NKAIN3: variants seen among roughly 807,000 people sequenced by gnomAD.
The protein encoded by NKAIN3 is sodium/potassium transporting ATPase interacting 3, also known as sodium/potassium-transporting ATPase subunit beta-1-interacting protein 3.
A neutral mutation model predicts 30.2 loss-of-function variants in NKAIN3; 25 were observed. The ratio of observed to expected loss-of-function variants is 0.83; its 90% CI spans 0.60 to 1.16. NKAIN3 has a LOEUF of 1.16. NKAIN3 is among the 50% of genes most tolerant of loss of function. The probability of loss-of-function intolerance (pLI) is 0.00; values close to 1 mark genes in which losing one functional copy is unlikely to be tolerated. For missense variants in NKAIN3, 225 were observed against 254.1 expected, an observed-to-expected ratio of 0.89 and a Z score of 0.78; for synonymous variants, 91 against 89.6, an observed-to-expected ratio of 1.02 and a Z score of -0.09.
chr8:62,997,711 C>T (rs61594679), intron 5 of NKAIN3, among the ~76,000 whole-genome samples: 42,693 of 149,852 alleles, frequency 0.28, 6,239 homozygotes, highest in South Asian at 0.38. Flanking sequence ...TTAATTAGGG[C>T]TATTATTAGT....
chr8:62,528,881 A>G (rs1312694486), intron 1 of NKAIN3, among the ~76,000 whole-genome samples: 1 of 152,152 alleles, frequency 6.6e-6, no homozygotes, highest in African/African-American at 2.4e-5. Context: ...CCTACACTTT[A>G]TATCATTTTA....
downstream of NKAIN3, among the ~76,000 whole-genome samples, chr8:62,989,133 A>C (rs1170720866): frequency 6.6e-6 from 1 of 152,090 alleles, no homozygotes; most frequent in African/African-American, 2.4e-5. Context: ...ACATTCAACA[A>C]ATTTCTAGGA....
chr8:62,856,743 A>G (rs945050649), intron 4 of NKAIN3: 5 of 685,276 alleles, frequency 7.3e-6, no homozygotes, highest in Admixed American at 2.3e-5. Flanking sequence ...GTCAAGCTCT[A>G]GAATTTATTT....
At chr8:62,831,537 C>T (rs1819197737) in intron 4 of NKAIN3, among the ~76,000 whole-genome samples, 2 of 152,040 alleles carry the variant, frequency 1.3e-5, no homozygotes, top group Non-Finnish European at 2.9e-5. Flanking sequence ...AATAATCAAT[C>T]AGAGCTTTTG....
chr8:62,314,541 T>C (rs1441279344), intron 1 of NKAIN3, among the ~76,000 whole-genome samples: 1 of 152,204 alleles, frequency 6.6e-6, no homozygotes, highest in African/African-American at 2.4e-5. Flanking sequence ...GATCTTTCCT[T>C]GTGAAAAGGA....
intron 1 of NKAIN3, among the ~76,000 whole-genome samples, chr8:62,489,573 T>C (rs1351912307): frequency 1.3e-5 from 2 of 152,186 alleles, no homozygotes; most frequent in Non-Finnish European, 2.9e-5. Flanking sequence ...AATTCCACTA[T>C]AGATAGGTTT....
At chr8:62,946,404 T>C (rs1823126906) in intron 5 of NKAIN3, among the ~76,000 whole-genome samples, 1 of 152,154 alleles carries the variant, frequency 6.6e-6, no homozygotes, top group African/African-American at 2.4e-5. Context: ...ATGCTCAGAT[T>C]CTTCAGACAG....
intron 1 of NKAIN3, among the ~76,000 whole-genome samples, chr8:62,310,992 A>C (rs1458979312): frequency 6.6e-6 from 1 of 150,514 alleles, no homozygotes; most frequent in Non-Finnish European, 1.5e-5. Context: ...ATAGTGCCAT[A>C]CAATTTCTAG....
At chr8:62,894,909 A>G (rs950660150) in intron 4 of NKAIN3, among the ~76,000 whole-genome samples, 13 of 152,198 alleles carry the variant, frequency 8.5e-5, no homozygotes, top group African/African-American at 2.4e-4. Flanking sequence ...TATTCCAGGC[A>G]AGAAGAAGGA....
chr8:62,636,614 C>G (rs16929321), intron 3 of NKAIN3, among the ~76,000 whole-genome samples: 5,686 of 152,220 alleles, frequency 0.037, 164 homozygotes, highest in African/African-American at 0.079. Flanking sequence ...AGAGAATAAT[C>G]TTGTGTTTGT....
rs1209148909 is a variant in NKAIN3 at position 62,792,373 on chromosome 8, G to T, written c.471+45244G>T. The stretch of plus-strand genomic sequence containing the variant: ...AAACCAATATTTTCAATGGATTACA[G>T]AATAAATTAGCAGATTTATTTAACC... On this transcript the variant is annotated intron_variant, in intron 4 of 6. Coordinates refer to ENST00000623646, the MANE Select transcript of NKAIN3 (RefSeq NM_001304533.3). Among the ~76,000 whole-genome samples the T allele has an allele frequency of 2.0e-5, 3 of 152,236 alleles. No individual in the cohort carries two copies. In the South Asian group the frequency reaches 6.2e-4, roughly 32 times the overall value.
chr8:62,954,970 G>A (rs188496290), intron 6 of NKAIN3, among the ~76,000 whole-genome samples: 3 of 152,240 alleles, frequency 2.0e-5, no homozygotes, highest in Admixed American at 1.3e-4. Context: ...ATTTGATGGC[G>A]ATAGAAGAAA....
At chr8:62,924,781 T>C (rs1822389472) in intron 5 of NKAIN3, among the ~76,000 whole-genome samples, 1 of 152,222 alleles carries the variant, frequency 6.6e-6, no homozygotes. Flanking sequence ...GTGAAAAGTT[T>C]AAGATCAAGG....
At chr8:62,438,820 C>G (rs1805242098) in intron 1 of NKAIN3, among the ~76,000 whole-genome samples, 1 of 152,154 alleles carries the variant, frequency 6.6e-6, no homozygotes, top group East Asian at 1.9e-4. Context: ...GTCTTGGCCT[C>G]CCAGAGTGTT....
chr8:62,908,018 CTA>C (rs759608593), intron 4 of NKAIN3, among the ~76,000 whole-genome samples: 53 of 152,306 alleles, frequency 3.5e-4, no homozygotes, highest in Non-Finnish European at 5.3e-4. Context: ...CATTGCCAGT[CTA>C]TGAAAGCAGC....
intron 6 of NKAIN3, among the ~76,000 whole-genome samples, chr8:62,959,921 T>TA (rs1448425288): frequency 6.6e-6 from 1 of 152,214 alleles, no homozygotes; most frequent in African/African-American, 2.4e-5. Flanking sequence ...CTTGTGTGCC[T>TA]GCCTTACTTA....
intron 3 of NKAIN3, among the ~76,000 whole-genome samples, chr8:62,692,421 G>A (rs1814010544): frequency 6.6e-6 from 1 of 152,272 alleles, no homozygotes; most frequent in African/African-American, 2.4e-5. Flanking sequence ...AAAGAGAATT[G>A]CTGCCAGAAC....
At chr8:62,689,926 C>T (rs868138442) in intron 3 of NKAIN3, among the ~76,000 whole-genome samples, 1 of 151,290 alleles carries the variant, frequency 6.6e-6, no homozygotes, top group Middle Eastern at 3.4e-3. Flanking sequence ...TGGCATTGGG[C>T]TCCTTGGCCA....
chr8:62,387,760 A>G lies in NKAIN3; in HGVS notation c.54+138633A>G, dbSNP rs142380637. On this transcript the variant is annotated intron_variant, in intron 1 of 6. Transcript: ENST00000623646. Reference sequence around the variant, plus strand: ...CTTTAAAATGAAGGCAGTAGATTAGATTAAATCTACAGTGATTTTCACCTG... The same window carrying G: ...CTTTAAAATGAAGGCAGTAGATTAGGTTAAATCTACAGTGATTTTCACCTG... 4.9e-4 allele frequency among the ~76,000 whole-genome samples: 74 copies of G among 152,316 alleles called. No individual in the cohort carries two copies. The East Asian group carries it at 9.8e-3, about 20-fold the overall frequency.
Sources: gnomAD v4.1 joint callset for allele counts (sites outside exome capture counted in the v4.1 genomes callset) on GRCh38, gnomAD v4.1.1 for gene constraint, MANE v1.5 for transcripts, NCBI Gene and HGNC (gene_info 2026-07-23, HGNC 2026-07-21) for gene names.